The following CDH11 variants were observed in gnomAD, a reference collection of about 807,000 sequenced individuals.
CDH11 encodes the protein cadherin-11.
CDH11 carries 11 observed loss-of-function variants against 67.8 expected under a neutral mutation model. The ratio of observed to expected loss-of-function variants is 0.16; its 90% CI spans 0.10 to 0.27. The LOEUF is 0.27. Ranked by LOEUF, CDH11 falls within the 10% of genes least tolerant of loss-of-function variation. The probability of loss-of-function intolerance (pLI) is 1.00; values close to 1 mark genes in which losing one functional copy is unlikely to be tolerated. For synonymous variants in CDH11, 419 were observed against 400.0 expected (o/e 1.05, Z -0.57); for missense variants, 847 against 1,031.2 (o/e 0.82, Z 2.45).
At chr16:65,021,472 A>G (rs1016637399) in intron 2 of CDH11, among the ~76,000 whole-genome samples, 16 of 152,068 alleles carry the variant, frequency 1.1e-4, no homozygotes, top group African/African-American at 3.9e-4. Flanking sequence ...AAAACAATTC[A>G]GTCATCTGAG....
chr16:65,065,506 G>A (rs1008203880), intron 1 of CDH11, among the ~76,000 whole-genome samples: 1 of 152,154 alleles, frequency 6.6e-6, no homozygotes, highest in Non-Finnish European at 1.5e-5. Context: ...AGGACCGCAG[G>A]ACCCATGAAG....
chr16:64,945,322 A>T lies in CDH11; in HGVS notation c.*2281T>A. 1.3e-6 allele frequency: 1 copy of T among 779,262 alleles called. No homozygotes were observed. 48.3% of individuals were successfully genotyped at this position (779,262 alleles called of 1,614,324 possible). On this transcript the variant is annotated 3_prime_UTR_variant, in exon 13 of 13. Transcript: ENST00000268603. ...AAGGTAAAAAAAAAAAAAAAAAAGAAAAAGAAAAACAAGTATTCTTAACTA... is the reference window on the plus strand; with the variant it reads ...AAGGTAAAAAAAAAAAAAAAAAAGATAAAGAAAAACAAGTATTCTTAACTA...
intron 1 of CDH11, among the ~76,000 whole-genome samples, chr16:65,058,165 T>G (rs940441118): frequency 6.6e-6 from 1 of 152,114 alleles, no homozygotes; most frequent in Non-Finnish European, 1.5e-5. Context: ...GAGGCTGCAG[T>G]GAGCCAAAAT....
chr16:65,114,021 A>AG (rs1260084214), intron 1 of CDH11, among the ~76,000 whole-genome samples: 3 of 152,134 alleles, frequency 2.0e-5, no homozygotes, highest in Admixed American at 2.0e-4. Flanking sequence ...GAAAAAGTGA[A>AG]GGGGGGTCAA....
chr16:65,025,615 A>G (rs1156542405), intron 2 of CDH11, among the ~76,000 whole-genome samples: 1 of 152,186 alleles, frequency 6.6e-6, no homozygotes, highest in African/African-American at 2.4e-5. Flanking sequence ...TGCTGGGATG[A>G]TAGGCATGAG....
Position 64,964,627 on chromosome 16 carries a change from C to T in CDH11, c.1642+6952G>A, listed in dbSNP as rs966604725. Among the ~76,000 whole-genome samples the T allele has an allele frequency of 4.6e-5, 7 of 152,094 alleles. 1 individual carries two copies. Among genetic ancestry groups the T allele is most frequent in the Non-Finnish European group, 1.5e-5 (1 of 68,010 alleles). On this transcript the variant is annotated intron_variant, in intron 11 of 12. Transcript: ENST00000268603. ...GCAGTGGCCCCATCTCGGCTCACTG[C>T]AAGCTCCGCCTCCCGGGTTCACGTC...
chr16:64,952,297 T>C (rs182681860), intron 11 of CDH11, among the ~76,000 whole-genome samples: 7 of 152,374 alleles, frequency 4.6e-5, no homozygotes, highest in Non-Finnish European at 7.3e-5. Flanking sequence ...TCTTCTGTCA[T>C]GATTTGTTGA....
chr16:65,093,911 A>G (rs1046790099), intron 1 of CDH11, among the ~76,000 whole-genome samples: 1 of 152,200 alleles, frequency 6.6e-6, no homozygotes, highest in Non-Finnish European at 1.5e-5. Context: ...CCTTGGATGA[A>G]TATTAGAACC....
intron 12 of CDH11, among the ~76,000 whole-genome samples, chr16:64,949,036 A>G (rs968817336): frequency 9.9e-5 from 15 of 152,156 alleles, no homozygotes; most frequent in Non-Finnish European, 1.8e-4. Flanking sequence ...GTGGCTCCCA[A>G]AGCTCTGTGC....
intron 1 of CDH11, among the ~76,000 whole-genome samples, chr16:65,104,001 G>A (rs188479339): frequency 5.3e-5 from 8 of 152,124 alleles, no homozygotes; most frequent in Middle Eastern, 3.4e-3. Context: ...TGTGAATGAC[G>A]TTTGTGGTTT....
chr16:65,033,523 G>C (rs1029714204), intron 2 of CDH11, among the ~76,000 whole-genome samples: 1 of 151,912 alleles, frequency 6.6e-6, no homozygotes, highest in Non-Finnish European at 1.5e-5. Flanking sequence ...GGTGGATCAC[G>C]AGGTCAGGAG....
intron 1 of CDH11, among the ~76,000 whole-genome samples, chr16:65,070,635 T>C (rs184807209): frequency 6.6e-6 from 1 of 152,240 alleles, no homozygotes; most frequent in South Asian, 2.1e-4. Flanking sequence ...AATATTATTA[T>C]GCATTGGAAA....
chr16:65,068,413 G>GAA (rs57968272), intron 1 of CDH11, among the ~76,000 whole-genome samples: 4 of 100,182 alleles, frequency 4.0e-5, no homozygotes, highest in African/African-American at 1.1e-4. Flanking sequence ...TATGACTACA[G>GAA]AAAAAAAAAA....
upstream of CDH11, among the ~76,000 whole-genome samples, chr16:65,122,701 T>A (rs1378651714): frequency 6.6e-6 from 1 of 151,532 alleles, no homozygotes; most frequent in Non-Finnish European, 1.5e-5. Context: ...GGTGGTGAAG[T>A]CGGGCGGGGA....
chr16:65,122,267 TC>T (rs1200675751), upstream of CDH11: 18 of 396,426 alleles, frequency 4.5e-5, no homozygotes, highest in Non-Finnish European at 7.3e-5. Flanking sequence ...TCCGCGCCCC[TC>T]CCCCCAGGGG....
At chr16:64,971,109 C>T (rs1226353705) in intron 11 of CDH11, among the ~76,000 whole-genome samples, 1 of 152,192 alleles carries the variant, frequency 6.6e-6, no homozygotes, top group Non-Finnish European at 1.5e-5. Flanking sequence ...AACAATTCTG[C>T]AACTACTTTT....
chr16:65,122,079 C>A, upstream of CDH11: 2 of 404,726 alleles, frequency 4.9e-6, no homozygotes, highest in South Asian at 1.9e-5. Context: ...GCCGAGCGCG[C>A]TAGTGGCAGG....
At chr16:65,087,610 G>A (rs1295927291) in intron 1 of CDH11, among the ~76,000 whole-genome samples, 2 of 152,102 alleles carry the variant, frequency 1.3e-5, no homozygotes, top group Non-Finnish European at 2.9e-5. Context: ...AACTGCATTA[G>A]GTAAATTGTT....
intron 1 of CDH11, among the ~76,000 whole-genome samples, chr16:65,087,662 G>A (rs781582241): frequency 3.3e-5 from 5 of 152,142 alleles, no homozygotes; most frequent in South Asian, 4.2e-4. Flanking sequence ...GGGGCTGATC[G>A]AGAATTGCTA....
Sources: allele counts gnomAD v4.1 joint callset (sites outside exome capture counted in the v4.1 genomes callset), GRCh38; gene constraint gnomAD v4.1.1; transcripts MANE v1.5; gene names NCBI Gene and HGNC (gene_info 2026-07-23, HGNC 2026-07-21).